The following CENATAC variants were observed in gnomAD, a reference collection of about 807,000 sequenced individuals.
CENATAC encodes coiled-coil domain containing 84.
Under a neutral mutation model 53.7 loss-of-function variants are expected in CENATAC, and 53 were observed. The ratio of observed to expected loss-of-function variants is 0.99; its 90% CI spans 0.79 to 1.24. CENATAC has a LOEUF of 1.24. CENATAC is among the 50% of genes most tolerant of loss of function. The probability of loss-of-function intolerance (pLI) is 0.00; values close to 1 mark genes in which losing one functional copy is unlikely to be tolerated. For synonymous variants in CENATAC, 156 were observed against 144.6 expected (o/e 1.08, Z -0.57); for missense variants, 474 against 417.8 (o/e 1.13, Z -1.17).
At position 119,015,782 on chromosome 11, in the gene CENATAC, C is replaced by G. The variant is rs554160175; in HGVS notation, c.*184C>G. 82 of 1,347,620 alleles carry G rather than the reference C, an allele frequency of 6.1e-5. No homozygotes were observed. The South Asian group carries it at 9.3e-4, about 15-fold the overall frequency. 83.5% of individuals were successfully genotyped at this position (1,347,620 alleles called of 1,614,324 possible). ...ACCTGTAAAAAAAAATTAAAAGAAT[C>G]AGAACCATAAAGCTTTGTATCTACC... On this transcript the variant is annotated 3_prime_UTR_variant, in exon 11 of 11. Transcript: ENST00000334418.
At chr11:119,012,713 AT>A in intron 7 of CENATAC, 1 of 168,996 alleles carries the variant, frequency 5.9e-6, no homozygotes, top group Non-Finnish European at 1.3e-5. Context: ...TGTACCACTT[AT>A]GATTTTACTC....
Position 119,015,382 on chromosome 11 carries a change from C to G in CENATAC, c.881C>G (p.Ala294Gly). The change falls in exon 10 of 11, where the codon GCA becomes GGA. Residue 294 changes from alanine to glycine, a missense_variant. Transcript: ENST00000334418. ...TTTGATCACAGCTCCAGGACCAGTG[C>G]AGGCTGGCTGCCCTCTTTTGGCCGC... ...ANFDHSSRTS[A>G]GWLPSFGRVW... 6.2e-7 allele frequency: 1 copy of G among 1,614,234 alleles called. No homozygotes were observed. Among genetic ancestry groups the G allele is most frequent in the South Asian group, 1.1e-5 (1 of 91,090 alleles).
At chr11:118,998,339 T>TG in intron 1 of CENATAC, 22 bp downstream of exon 1, 1 of 1,611,444 alleles carries the variant, frequency 6.2e-7, no homozygotes, top group Non-Finnish European at 8.5e-7. Flanking sequence ...AGGCTAGAGA[T>TG]GGGATGGGAG....
At chr11:119,002,977 A>G (rs898044598) in intron 3 of CENATAC, 15 of 482,118 alleles carry the variant, frequency 3.1e-5, no homozygotes, top group Non-Finnish European at 6.1e-5. Context: ...GTGAAAAGAT[A>G]TACATATATT....
At chr11:119,013,295 G>T in intron 8 of CENATAC, 33 bp downstream of exon 8, 1 of 1,579,736 alleles carries the variant, frequency 6.3e-7, no homozygotes, top group Non-Finnish European at 8.6e-7. Flanking sequence ...TAAAACCCTG[G>T]GAGATTTTTT....
chr11:119,006,772 C>A (rs1050695925), intron 3 of CENATAC, among the ~76,000 whole-genome samples: 7 of 152,244 alleles, frequency 4.6e-5, no homozygotes, highest in Non-Finnish European at 8.8e-5. Context: ...CCATAATTCC[C>A]ACGTTGTGGG....
In CENATAC at chr11:119,015,039, G is replaced by A. The variant is rs1484691160; in HGVS notation, c.761G>A (p.Gly254Glu). ...WMIQDEEYIA[G>E]NQEIGPSYEE... ...ATCCAAGATGAAGAATACATTGCTG[G>A]GAACCAAGAAATAGGACCATCCTAT... The change falls in exon 9 of 11, where the codon GGG (glycine) becomes GAG (glutamate). Residue 254 changes from glycine (G) to glutamate (E), a missense_variant. By Grantham distance (98) the Gly-to-Glu change is moderately conservative. Coordinates refer to ENST00000334418, the MANE Select transcript of CENATAC (RefSeq NM_198489.3). 2 of 1,612,172 alleles carry A rather than the reference G, an allele frequency of 1.2e-6. No homozygotes were observed. Among genetic ancestry groups the A allele is most frequent in the Non-Finnish European group, 8.5e-7 (1 of 1,179,426 alleles).
At chr11:119,005,072 A>AG (rs1395115929) in intron 3 of CENATAC, among the ~76,000 whole-genome samples, 1 of 134,044 alleles carries the variant, frequency 7.5e-6, no homozygotes, top group African/African-American at 3.1e-5. Flanking sequence ...AAAAACAGCA[A>AG]GAAAAAAAAA....
At chr11:119,015,205 C>T in intron 9 of CENATAC, 102 bp from the exon 10 acceptor site, 1 of 1,441,650 alleles carries the variant, frequency 6.9e-7, no homozygotes, top group Admixed American at 2.0e-5. Flanking sequence ...GTGGGAGGGT[C>T]ACTTGAGCCC....
intron 3 of CENATAC, among the ~76,000 whole-genome samples, chr11:119,008,563 A>C (rs989829250): frequency 2.0e-5 from 3 of 152,166 alleles, no homozygotes; most frequent in Admixed American, 1.3e-4. Context: ...ACAAATGTAC[A>C]ATCGGGTTTT....
intron 3 of CENATAC, among the ~76,000 whole-genome samples, chr11:119,000,181 A>C (rs1241643214): frequency 6.6e-6 from 1 of 152,212 alleles, no homozygotes; most frequent in Non-Finnish European, 1.5e-5. Context: ...CCTTCTTTCT[A>C]AAATTATCAA....
chr11:119,003,056 C>G, intron 3 of CENATAC: 1 of 526,036 alleles, frequency 1.9e-6, no homozygotes, highest in Non-Finnish European at 3.8e-6. Flanking sequence ...GCATTGTAAT[C>G]AGGAGCCAGT....
chr11:119,015,625 G>GTTTT lies in CENATAC; in HGVS notation c.*27_*28insTTTT. On this transcript the variant is annotated 3_prime_UTR_variant, in exon 11 of 11. Transcript: ENST00000334418. ...CATGCTCTCTACCAACTACCATGAG[G>GTTTT]CTAAAAGCAAAGTCAACAAACCCCT... 1 of 1,612,780 alleles carries GTTTT rather than the reference G, an allele frequency of 6.2e-7. No individual in the cohort carries two copies. The highest frequency in any genetic ancestry group is 8.5e-7 in the Non-Finnish European group (1 of 1,179,018).
chr11:119,015,074 C>G lies in CENATAC; in HGVS notation c.796C>G (p.Leu266Val), dbSNP rs1413470102. ...QEIGPSYEEF[L>V]KEKEKQKLKK... ...AATAGGACCATCCTATGAAGAATTT[C>G]TTAAAGAAAGTAAGTAAACTAATTC... The change falls in exon 9 of 11, where the codon CTT becomes GTT. Residue 266 changes from leucine to valine, a missense_variant. Physicochemically the swap from Leu to Val is conservative, Grantham distance 32 (BLOSUM62 1). Transcript: ENST00000334418. 6.2e-7 allele frequency: 1 copy of G among 1,605,344 alleles called. No individual in the cohort carries two copies. The highest frequency in any genetic ancestry group is 1.1e-5 in the South Asian group (1 of 89,944).
intron 3 of CENATAC, among the ~76,000 whole-genome samples, chr11:119,001,428 G>A (rs1048550105): frequency 6.6e-6 from 1 of 150,578 alleles, no homozygotes; most frequent in Non-Finnish European, 1.5e-5. Flanking sequence ...GTTTTGCTTT[G>A]TCACCCAGGG....
At chr11:118,999,180 C>T (rs1942164064) in intron 3 of CENATAC, 71 bp downstream of exon 3, 2 of 1,162,294 alleles carry the variant, frequency 1.7e-6, no homozygotes, top group Non-Finnish European at 2.6e-6. Context: ...TGGGAGCTTA[C>T]TCTATTAACT....
At chr11:119,015,146 CTGTGTG>C in intron 9 of CENATAC, 63 bp downstream of exon 9, 1 of 1,496,070 alleles carries the variant, frequency 6.7e-7, no homozygotes, top group Non-Finnish European at 9.2e-7. Flanking sequence ...GTTTCCTTGC[CTGTGTG>C]TGGTGGCTCA....
intron 5 of CENATAC, 22 bp downstream of exon 5, chr11:119,011,305 C>T: frequency 1.2e-6 from 2 of 1,612,206 alleles, no homozygotes; most frequent in Admixed American, 3.3e-5. Context: ...TCGGAGGATC[C>T]AGACCAGTAT....
intron 3 of CENATAC, chr11:119,001,696 G>C (rs540469056): frequency 1.8e-5 from 8 of 455,928 alleles, no homozygotes; most frequent in South Asian, 9.3e-5. Context: ...GTTCAAACTT[G>C]TGCTGTGCAA....
Sources: allele counts gnomAD v4.1 joint callset (sites outside exome capture counted in the v4.1 genomes callset), GRCh38; gene constraint gnomAD v4.1.1; transcripts MANE v1.5; gene names NCBI Gene and HGNC (gene_info 2026-07-23, HGNC 2026-07-21).